The following DLG2 variants were observed in gnomAD, a reference collection of about 807,000 sequenced individuals.
The protein encoded by DLG2 is discs large MAGUK scaffold protein 2.
Under a neutral mutation model 132.5 loss-of-function variants are expected in DLG2, and 45 were observed. That is an observed-to-expected ratio of 0.34 (90% CI 0.27 to 0.44). The LOEUF is 0.44. DLG2 is among the 20% of genes least tolerant of loss of function. The probability of loss-of-function intolerance (pLI) is 1.00; values close to 1 mark genes in which losing one functional copy is unlikely to be tolerated. For missense variants in DLG2, 1,045 were observed against 1,196.9 expected (o/e 0.87, Z 1.87); for synonymous variants, 424 against 419.6 (o/e 1.01, Z -0.13).
intron 6 of DLG2, among the ~76,000 whole-genome samples, chr11:84,921,336 G>A (rs942623252): frequency 1.3e-5 from 2 of 152,074 alleles, no homozygotes; most frequent in Non-Finnish European, 2.9e-5. Context: ...TATATATGCT[G>A]TTTGTGGCAA....
chr11:84,142,542 T>C (rs1217038810), intron 9 of DLG2, among the ~76,000 whole-genome samples: 2 of 152,122 alleles, frequency 1.3e-5, no homozygotes, highest in East Asian at 3.9e-4. Context: ...GCCTCTGGTG[T>C]GTCTGTGACG....
chr11:84,966,932 G>A (rs1048055668), intron 6 of DLG2, among the ~76,000 whole-genome samples: 1 of 152,104 alleles, frequency 6.6e-6, no homozygotes, highest in African/African-American at 2.4e-5. Context: ...TAATTAAACT[G>A]AGGGAAATAG....
chr11:84,613,609 T>C (rs1052637215), intron 6 of DLG2, among the ~76,000 whole-genome samples: 2 of 152,226 alleles, frequency 1.3e-5, no homozygotes, highest in Non-Finnish European at 2.9e-5. Context: ...TATCAACTAC[T>C]CTTGTTATTG....
chr11:85,474,645 C>A (rs1209026864), intron 3 of DLG2, among the ~76,000 whole-genome samples: 1 of 151,852 alleles, frequency 6.6e-6, no homozygotes, highest in Non-Finnish European at 1.5e-5. Context: ...TCCAATAGAC[C>A]TTTCAGCAAT....
chr11:83,798,770 A>G (rs1036990756), intron 17 of DLG2, among the ~76,000 whole-genome samples: 6 of 152,202 alleles, frequency 3.9e-5, no homozygotes, highest in Non-Finnish European at 5.9e-5. Flanking sequence ...GAAGATGAAC[A>G]GATGTATTAC....
intron 7 of DLG2, among the ~76,000 whole-genome samples, chr11:84,380,991 T>C (rs1480069537): frequency 6.6e-6 from 1 of 151,820 alleles, no homozygotes; most frequent in African/African-American, 2.4e-5. Context: ...CTTAAAGTTA[T>C]GCGAAAGGAA....
At chr11:84,159,329 G>GA (rs547177500) in intron 9 of DLG2, among the ~76,000 whole-genome samples, 1 of 152,172 alleles carries the variant, frequency 6.6e-6, no homozygotes, top group African/African-American at 2.4e-5. Context: ...AATAAAATGG[G>GA]AAAAAAGAAT....
chr11:84,746,945 T>C (rs1203015721), intron 6 of DLG2, among the ~76,000 whole-genome samples: 1 of 152,116 alleles, frequency 6.6e-6, no homozygotes, highest in Non-Finnish European at 1.5e-5. Context: ...GAAGATCAAA[T>C]CCAACTTTTC....
At chr11:85,291,144 T>G (rs1038663721) in intron 3 of DLG2, among the ~76,000 whole-genome samples, 3 of 152,118 alleles carry the variant, frequency 2.0e-5, no homozygotes, top group Non-Finnish European at 2.9e-5. Context: ...ATCACCAAAA[T>G]TCACTAGGCA....
At chr11:84,744,587 A>C (rs1357068319) in intron 6 of DLG2, among the ~76,000 whole-genome samples, 1 of 152,204 alleles carries the variant, frequency 6.6e-6, no homozygotes, top group Non-Finnish European at 1.5e-5. Context: ...AACATACCTT[A>C]ATCTATTTTA....
chr11:84,593,224 G>A (rs909050834), intron 6 of DLG2, among the ~76,000 whole-genome samples: 4 of 152,116 alleles, frequency 2.6e-5, no homozygotes, highest in African/African-American at 4.8e-5. Flanking sequence ...AAACATTGTG[G>A]AAGATAGAGT....
intron 6 of DLG2, among the ~76,000 whole-genome samples, chr11:84,845,532 A>T (rs997695885): frequency 1.3e-5 from 2 of 152,106 alleles, no homozygotes; most frequent in Non-Finnish European, 2.9e-5. Context: ...TCCAGTGAAC[A>T]TGTCTATGTC....
intron 6 of DLG2, among the ~76,000 whole-genome samples, chr11:85,079,842 G>A (rs974482536): frequency 6.6e-6 from 1 of 152,032 alleles, no homozygotes. Flanking sequence ...ATGTTAGCCA[G>A]GATAGTCTCA....
At chr11:84,395,910 T>C (rs1169028501) in intron 7 of DLG2, among the ~76,000 whole-genome samples, 1 of 152,244 alleles carries the variant, frequency 6.6e-6, no homozygotes, top group Non-Finnish European at 1.5e-5. Context: ...CAGAAGTCCT[T>C]GTTTTGAAAG....
intron 21 of DLG2, among the ~76,000 whole-genome samples, chr11:83,493,019 G>A (rs1220717494): frequency 6.6e-6 from 1 of 152,050 alleles, no homozygotes; most frequent in African/African-American, 2.4e-5. Context: ...GGCTGGAAAG[G>A]CTCTCCATAA....
intron 3 of DLG2, among the ~76,000 whole-genome samples, chr11:85,371,232 G>T (rs1221971127): frequency 6.6e-6 from 1 of 151,974 alleles, no homozygotes; most frequent in Admixed American, 6.6e-5. Context: ...CAAAACAGGA[G>T]TTAACTAAAT....
intron 6 of DLG2, among the ~76,000 whole-genome samples, chr11:84,884,276 A>C (rs2087854740): frequency 6.6e-6 from 1 of 152,024 alleles, no homozygotes; most frequent in Admixed American, 6.6e-5. Flanking sequence ...AGATAGGCTC[A>C]CTTTATCTTT....
At chr11:84,824,465 A>G (rs2078085528) in intron 6 of DLG2, among the ~76,000 whole-genome samples, 1 of 151,924 alleles carries the variant, frequency 6.6e-6, no homozygotes, top group Non-Finnish European at 1.5e-5. Flanking sequence ...GGGATGATTT[A>G]TGGGCAGAAA....
intron 3 of DLG2, among the ~76,000 whole-genome samples, chr11:85,352,476 C>T (rs899801943): frequency 3.9e-5 from 6 of 152,028 alleles, no homozygotes; most frequent in African/African-American, 1.4e-4. Context: ...GCTCTTGCTT[C>T]TCAGTTCTTT....
Sources: allele counts gnomAD v4.1 joint callset (sites outside exome capture counted in the v4.1 genomes callset), GRCh38; gene constraint gnomAD v4.1.1; transcripts MANE v1.5; gene names NCBI Gene and HGNC (gene_info 2026-07-23, HGNC 2026-07-21).